CNTNAP2: variants seen among roughly 807,000 people sequenced by gnomAD.
CNTNAP2 encodes the protein contactin associated protein 2, also known as contactin-associated protein-like 2.
In CNTNAP2, 98 loss-of-function variants were observed where a neutral mutation model predicts 155.2. The observed-to-expected ratio is 0.63, with a 90% CI of 0.54 to 0.75. CNTNAP2 has a LOEUF of 0.75. Among genes scored for constraint, CNTNAP2 ranks in the 30% least tolerant of loss-of-function variants. The pLI, the probability that CNTNAP2 is intolerant of heterozygous loss-of-function variation, is 0.00. For missense variants in CNTNAP2, 1,727 were observed against 1,688.1 expected, an observed-to-expected ratio of 1.02 and a Z score of -0.40; for synonymous variants, 651 against 631.2, an observed-to-expected ratio of 1.03 and a Z score of -0.47.
chr7:146,428,114 C>T (rs1353061083), intron 1 of CNTNAP2, among the ~76,000 whole-genome samples: 1 of 152,154 alleles, frequency 6.6e-6, no homozygotes, highest in East Asian at 1.9e-4. Context: ...GGCATATATA[C>T]ACCACATTTT....
At chr7:148,134,098 T>A (rs1804888089) in intron 16 of CNTNAP2, among the ~76,000 whole-genome samples, 1 of 152,178 alleles carries the variant, frequency 6.6e-6, no homozygotes, top group Non-Finnish European at 1.5e-5. Flanking sequence ...AAATGAAATC[T>A]GGCTGAACCT....
At chr7:147,377,983 AATTG>A (rs1796466450) in intron 9 of CNTNAP2, 1 of 466,372 alleles carries the variant, frequency 2.1e-6, no homozygotes, top group Non-Finnish European at 4.4e-6. Flanking sequence ...TACGTATTTT[AATTG>A]ATTCTCCATC....
At chr7:146,642,130 TTTTA>T (rs1363737341) in intron 1 of CNTNAP2, among the ~76,000 whole-genome samples, 3 of 151,816 alleles carry the variant, frequency 2.0e-5, no homozygotes, top group South Asian at 4.1e-4. Context: ...TGTTTTGGTT[TTTTA>T]TTTTTTTATT....
At chr7:147,624,293 C>A (rs1794928432) in intron 12 of CNTNAP2, among the ~76,000 whole-genome samples, 1 of 151,836 alleles carries the variant, frequency 6.6e-6, no homozygotes, top group Admixed American at 6.6e-5. Context: ...TTCTGCACAG[C>A]AAACAATCAA....
intron 3 of CNTNAP2, among the ~76,000 whole-genome samples, chr7:146,983,909 A>T (rs1017133970): frequency 2.6e-5 from 4 of 152,224 alleles, no homozygotes; most frequent in African/African-American, 4.8e-5. Flanking sequence ...CCCATGGTGA[A>T]AAAGACCTAC....
At chr7:147,134,850 C>A (rs907558401) in intron 8 of CNTNAP2, among the ~76,000 whole-genome samples, 1 of 151,760 alleles carries the variant, frequency 6.6e-6, no homozygotes, top group Non-Finnish European at 1.5e-5. Context: ...AATGTCAGTC[C>A]ACTTCTCCTT....
chr7:148,235,901 G>A (rs1254870735), intron 20 of CNTNAP2, among the ~76,000 whole-genome samples: 1 of 152,008 alleles, frequency 6.6e-6, no homozygotes, highest in East Asian at 1.9e-4. Flanking sequence ...TAGCCAGGAT[G>A]GTCTCGATCT....
At chr7:146,135,074 T>G (rs1797777487) in intron 1 of CNTNAP2, among the ~76,000 whole-genome samples, 1 of 152,136 alleles carries the variant, frequency 6.6e-6, no homozygotes, top group African/African-American at 2.4e-5. Flanking sequence ...ATTTCTAACA[T>G]GCTCCCAGAT....
intron 13 of CNTNAP2, among the ~76,000 whole-genome samples, chr7:147,642,578 A>G (rs1795297306): frequency 6.6e-6 from 1 of 152,140 alleles, no homozygotes; most frequent in Non-Finnish European, 1.5e-5. Flanking sequence ...AAAATGGGAT[A>G]AACTTGTTAT....
chr7:147,640,350 T>A (rs1795252691), intron 13 of CNTNAP2, among the ~76,000 whole-genome samples: 1 of 152,168 alleles, frequency 6.6e-6, no homozygotes, highest in Non-Finnish European at 1.5e-5. Flanking sequence ...AAGCCTCAGT[T>A]TCCAGCGACT....
At chr7:146,304,665 G>C (rs571164343) in intron 1 of CNTNAP2, among the ~76,000 whole-genome samples, 18 of 152,176 alleles carry the variant, frequency 1.2e-4, no homozygotes, top group African/African-American at 4.1e-4. Context: ...GCTTCCCTTT[G>C]TGGGTAACCT....
intron 1 of CNTNAP2, among the ~76,000 whole-genome samples, chr7:146,352,501 G>GA (rs1794929537): frequency 6.6e-6 from 1 of 152,006 alleles, no homozygotes; most frequent in African/African-American, 2.4e-5. Flanking sequence ...AACAGTCATA[G>GA]AAAACAGACT....
intron 13 of CNTNAP2, among the ~76,000 whole-genome samples, chr7:147,643,782 G>A (rs1795323872): frequency 6.6e-6 from 1 of 151,984 alleles, no homozygotes; most frequent in East Asian, 1.9e-4. Context: ...GTTCATTTGG[G>A]GCTCTATAGT....
At chr7:147,246,675 T>C (rs1804078111) in intron 8 of CNTNAP2, among the ~76,000 whole-genome samples, 1 of 152,158 alleles carries the variant, frequency 6.6e-6, no homozygotes, top group African/African-American at 2.4e-5. Flanking sequence ...ATTTTAGAGG[T>C]ACGCAAACAT....
intron 18 of CNTNAP2, among the ~76,000 whole-genome samples, chr7:148,200,639 T>C (rs2116730651): frequency 6.6e-6 from 1 of 152,310 alleles, no homozygotes; most frequent in South Asian, 2.1e-4. Flanking sequence ...TAGCCCTCTA[T>C]GATAACCTTC....
intron 15 of CNTNAP2, among the ~76,000 whole-genome samples, chr7:148,098,102 A>T (rs1441725423): frequency 6.6e-6 from 1 of 152,138 alleles, no homozygotes; most frequent in African/African-American, 2.4e-5. Flanking sequence ...GGTATGTGGG[A>T]AGTGTTCTGG....
At chr7:148,241,414 T>C (rs1030458310) in intron 20 of CNTNAP2, among the ~76,000 whole-genome samples, 1 of 152,210 alleles carries the variant, frequency 6.6e-6, no homozygotes, top group African/African-American at 2.4e-5. Context: ...CAGCACCTAG[T>C]ATATTCCCAG....
chr7:146,826,974 A>C (rs1295714767), intron 2 of CNTNAP2, among the ~76,000 whole-genome samples: 2 of 151,714 alleles, frequency 1.3e-5, no homozygotes, highest in Non-Finnish European at 2.9e-5. Context: ...ATTCTGCTCT[A>C]CTGGAGATAC....
chr7:147,404,337 A>G (rs571630504), intron 10 of CNTNAP2, among the ~76,000 whole-genome samples: 6 of 152,194 alleles, frequency 3.9e-5, no homozygotes, highest in Non-Finnish European at 8.8e-5. Context: ...TTCCTTTTAG[A>G]GACTGTGCTT....
Sources: allele counts gnomAD v4.1 joint callset (sites outside exome capture counted in the v4.1 genomes callset), GRCh38; gene constraint gnomAD v4.1.1; transcripts MANE v1.5; gene names NCBI Gene and HGNC (gene_info 2026-07-23, HGNC 2026-07-21).